Variants in SEC31A observed in about 807,000 individuals in gnomAD.
SEC31A encodes the protein SEC31 homolog A, COPII component.
In SEC31A, 70 loss-of-function variants were observed where a neutral mutation model predicts 151.0. The observed-to-expected ratio is 0.46, with a 90% confidence interval of 0.38 to 0.57. The LOEUF (loss-of-function observed/expected upper bound fraction) is 0.57. SEC31A is among the 20% of genes least tolerant of loss of function. The probability of loss-of-function intolerance (pLI) is 0.00; values close to 1 mark genes in which losing one functional copy is unlikely to be tolerated. For synonymous variants in SEC31A, 475 were observed against 505.9 expected, an observed-to-expected ratio of 0.94 and a Z score of 0.82; for missense variants, 1,330 against 1,471.2, an observed-to-expected ratio of 0.90 and a Z score of 1.57.
intron 16 of SEC31A, among the ~76,000 whole-genome samples, chr4:82,856,476 C>A (rs1393440592): frequency 1.3e-5 from 2 of 151,760 alleles, no homozygotes; most frequent in Non-Finnish European, 2.9e-5. Context: ...TAAGGCCAGG[C>A]ACGGTGGCTT....
At position 82,844,455 on chromosome 4, in the gene SEC31A, C is replaced by A; in HGVS notation, c.2557G>T (p.Ala853Ser). The A allele has an allele frequency of 6.2e-7, 1 of 1,613,798 alleles. No individual in the cohort carries two copies. ...FIMHGNVNPN[A>S]AGQLPTSPGH... Reference sequence around the variant, plus strand: ...GGAGATGTGGGAAGCTGACCAGCAGCATTTGGATTAACATTTCCATGCATT... The same window carrying A: ...GGAGATGTGGGAAGCTGACCAGCAGAATTTGGATTAACATTTCCATGCATT... The change falls in exon 21 of 27, where the codon GCT becomes TCT. Residue 853 changes from alanine to serine, a missense_variant. Ala to Ser is a moderately conservative substitution (Grantham distance 99). Transcript: ENST00000395310.
At chr4:82,845,224 C>G in intron 20 of SEC31A, 1 of 1,533,666 alleles carries the variant, frequency 6.5e-7, no homozygotes. Flanking sequence ...GGAGAGGCTG[C>G]AGGTGGATGG....
chr4:82,858,981 G>A (rs538757974), intron 14 of SEC31A, among the ~76,000 whole-genome samples: 185 of 152,090 alleles, frequency 1.2e-3, no homozygotes, highest in Non-Finnish European at 2.3e-3. Flanking sequence ...GATTACAGGC[G>A]TGAGCCACCA....
chr4:82,848,793 A>G lies in SEC31A; in HGVS notation c.2502+11T>C, dbSNP rs371000483. 1.4e-5 allele frequency: 23 copies of G among 1,605,618 alleles called. No homozygotes were observed. The South Asian group carries it at 1.9e-4, about 13-fold the overall frequency. ...AAAGTGTTCCTACTTCATCTGGACC[A>G]TATCACTCACATGGGGATAATATTG... On this transcript the variant is annotated intron_variant, in intron 20 of 26. Transcript: ENST00000395310.
intron 1 of SEC31A, among the ~76,000 whole-genome samples, chr4:82,882,615 G>C (rs1739647840): frequency 6.6e-6 from 1 of 151,984 alleles, no homozygotes; most frequent in South Asian, 2.1e-4. Context: ...ACGGGTAAGA[G>C]CAGCCAAAAA....
intron 7 of SEC31A, chr4:82,871,476 A>G: frequency 8.3e-7 from 1 of 1,211,460 alleles, no homozygotes; most frequent in Non-Finnish European, 1.2e-6. Flanking sequence ...AGACTAACTG[A>G]TAACTGACAT....
At chr4:82,825,664 T>G (rs1057510971) in intron 24 of SEC31A, among the ~76,000 whole-genome samples, 1 of 152,134 alleles carries the variant, frequency 6.6e-6, no homozygotes, top group African/African-American at 2.4e-5. Context: ...TTTTGGTCCT[T>G]ATACTGAGAA....
rs759649431 is a variant in SEC31A at position 82,829,062 on chromosome 4, T to C, written c.2969-4A>G. 4 of 1,608,738 alleles carry C rather than the reference T, an allele frequency of 2.5e-6. No individual in the cohort carries two copies. Among genetic ancestry groups the C allele is most frequent in the African/African-American group, 1.3e-5 (1 of 74,916 alleles). ...TCATTCCAACCATTCTGAGGACCTATAACAGATAACAGAGAATGTTTTCCT... is the reference window on the plus strand; with the variant it reads ...TCATTCCAACCATTCTGAGGACCTACAACAGATAACAGAGAATGTTTTCCT... On this transcript the variant is annotated splice_polypyrimidine_tract_variant and splice_region_variant and intron_variant, in intron 22 of 26. Transcript: ENST00000395310.
At chr4:82,829,520 T>C (rs1725431756) in intron 22 of SEC31A, 3 of 153,142 alleles carry the variant, frequency 2.0e-5, no homozygotes, top group Admixed American at 1.9e-4. Context: ...CAATTCAACA[T>C]GAGCAAATCA....
At position 82,868,519 on chromosome 4, in the gene SEC31A, TA is replaced by T. The variant is rs35531037; in HGVS notation, c.883-1204del. The stretch of plus-strand genomic sequence containing the variant: ...CTGACAAAAAAATAATTAATAGTAC[TA>T]AAAAAAATAAATAAATAAATAGAAA... On this transcript the variant is annotated intron_variant, in intron 8 of 26. Transcript: ENST00000395310. 5.8e-3 allele frequency among the ~76,000 whole-genome samples: 631 copies of T among 109,518 alleles called. 1 individual carries two copies. Among genetic ancestry groups the T allele is most frequent in the African/African-American group, 0.015 (558 of 38,208 alleles). The allele number at this position is 109,518 out of a possible 152,430, so 71.8% of individuals were successfully genotyped here.
At chr4:82,847,157 G>C (rs1463469302) in intron 20 of SEC31A, among the ~76,000 whole-genome samples, 1 of 152,236 alleles carries the variant, frequency 6.6e-6, no homozygotes, top group Admixed American at 6.5e-5. Flanking sequence ...TGAAGTCATA[G>C]ATTTTCAACT....
intron 20 of SEC31A, among the ~76,000 whole-genome samples, 153 bp from the exon 21 acceptor site, chr4:82,844,662 C>T (rs1435103262): frequency 1.3e-5 from 2 of 152,228 alleles, no homozygotes; most frequent in East Asian, 1.9e-4. Context: ...CTATCTTCCT[C>T]ATAATACCAC....
intron 24 of SEC31A, among the ~76,000 whole-genome samples, chr4:82,826,417 A>C (rs1724581425): frequency 6.6e-6 from 1 of 152,182 alleles, no homozygotes; most frequent in South Asian, 2.1e-4. Flanking sequence ...GCAGTGGCGC[A>C]ATCTCAGCTC....
rs569326642 is a variant in SEC31A, at chr4:82,860,057, G to T, written c.1626+1574C>A. ...TCTGCCCGCCTCGGCCTCCCAAAGT[G>T]CTGGGATTACAGGCATGAGCCACTG... is the stretch of plus-strand genomic sequence containing the variant. On this transcript the variant is annotated intron_variant, in intron 14 of 26. Coordinates refer to ENST00000395310, the MANE Select transcript of SEC31A (RefSeq NM_001077207.4). Among the ~76,000 whole-genome samples the T allele has an allele frequency of 3.3e-5, 5 of 152,236 alleles. No individual in the cohort carries two copies. The East Asian group carries it at 9.7e-4, about 29-fold the overall frequency.
intron 22 of SEC31A, 151 bp downstream of exon 22, chr4:82,841,989 A>C (rs977015311): frequency 1.6e-6 from 1 of 629,518 alleles, no homozygotes; most frequent in Non-Finnish European, 2.6e-6. Flanking sequence ...AAAACCAAAC[A>C]AACAAAAAAC....
intron 19 of SEC31A, among the ~76,000 whole-genome samples, chr4:82,850,735 T>C (rs1408967745): frequency 6.6e-6 from 1 of 152,194 alleles, no homozygotes; most frequent in African/African-American, 2.4e-5. Flanking sequence ...ACAGCACCAA[T>C]ACCCTTATCA....
intron 21 of SEC31A, among the ~76,000 whole-genome samples, chr4:82,843,492 T>A (rs1056788756): frequency 4.6e-5 from 7 of 152,056 alleles, no homozygotes; most frequent in Non-Finnish European, 8.8e-5. Context: ...TGACCAAGAG[T>A]AGGTATGAAC....
chr4:82,891,939 G>C (rs1719816717), upstream of SEC31A, among the ~76,000 whole-genome samples: 2 of 152,208 alleles, frequency 1.3e-5, no homozygotes, highest in Admixed American at 1.3e-4. Flanking sequence ...ATTCAACCCA[G>C]ATCTCCTAAC....
Position 82,881,843 on chromosome 4 carries a change from C to G in SEC31A, c.79+15G>C. On this transcript the variant is annotated intron_variant, in intron 2 of 26. Transcript: ENST00000395310. ...AATTAGGTAACTCATACTATCTTCT[C>G]TCCTTTGAACTTACCTGTTGCTAGG... 1 of 1,601,134 alleles carries G rather than the reference C, an allele frequency of 6.2e-7. No individual in the cohort carries two copies. Among genetic ancestry groups the G allele is most frequent in the South Asian group, 1.1e-5 (1 of 90,794 alleles).
Sources: gnomAD v4.1 joint callset for allele counts (sites outside exome capture counted in the v4.1 genomes callset) on GRCh38, gnomAD v4.1.1 for gene constraint, MANE v1.5 for transcripts, NCBI Gene and HGNC (gene_info 2026-07-23, HGNC 2026-07-21) for gene names.